Variants in DYDC2 observed in about 807,000 individuals in gnomAD.
DYDC2 encodes DPY30 domain-containing protein 2.
A neutral mutation model predicts 18.7 loss-of-function variants in DYDC2; 19 were observed. The ratio of observed to expected loss-of-function variants is 1.02; its 90% CI spans 0.71 to 1.49. The LOEUF (loss-of-function observed/expected upper bound fraction) is 1.49, where lower values mean the gene tolerates loss of function less well. Among genes scored for constraint, DYDC2 ranks in the 40% most tolerant of loss-of-function variants. The pLI is 0.00. For missense variants in DYDC2, 179 were observed against 205.1 expected, an observed-to-expected ratio of 0.87 and a Z score of 0.78; for synonymous variants, 63 against 67.6, an observed-to-expected ratio of 0.93 and a Z score of 0.34.
chr10:80,357,025 C>T (rs1843420101), intron 1 of DYDC2, among the ~76,000 whole-genome samples, 200 bp downstream of exon 1: 1 of 103,230 alleles, frequency 9.7e-6, no homozygotes, highest in African/African-American at 3.8e-5. Context: ...CGTGCAGGCG[C>T]GGGGCGCCCG....
chr10:80,351,392 TAAATC>T (rs1342841182), intron 1 of DYDC2, among the ~76,000 whole-genome samples: 1 of 151,150 alleles, frequency 6.6e-6, no homozygotes, highest in Non-Finnish European at 1.5e-5. Flanking sequence ...ACTGTGCTCT[TAAATC>T]AAAACAAACA....
intron 4 of DYDC2, 40 bp from the exon 5 acceptor site, chr10:80,366,648 C>G (rs760280388): frequency 1.9e-6 from 3 of 1,559,100 alleles, no homozygotes; most frequent in African/African-American, 1.4e-5. Flanking sequence ...GTGCTTTAGT[C>G]TCTAATAATA....
At chr10:80,346,295 A>ATTC (rs768431546) in intron 1 of DYDC2, among the ~76,000 whole-genome samples, 11 of 152,178 alleles carry the variant, frequency 7.2e-5, no homozygotes, top group Admixed American at 3.9e-4. Flanking sequence ...TACTGAGAAG[A>ATTC]GGAATTACTG....
chr10:80,352,436 G>T (rs1476705446), upstream of DYDC2: 1 of 1,553,608 alleles, frequency 6.4e-7, no homozygotes, highest in South Asian at 1.3e-5. Context: ...TAATTTCCTA[G>T]AAGGAGATTC....
At chr10:80,357,634 G>A (rs752902628) in intron 1 of DYDC2, among the ~76,000 whole-genome samples, 9 of 152,056 alleles carry the variant, frequency 5.9e-5, no homozygotes, top group Non-Finnish European at 1.2e-4. Context: ...GAACCAATTC[G>A]GGTGCCCCAC....
intron 1 of DYDC2, among the ~76,000 whole-genome samples, chr10:80,344,978 G>T (rs1340065039): frequency 2.0e-5 from 3 of 152,196 alleles, no homozygotes; most frequent in African/African-American, 7.2e-5. Context: ...AATCTGCTAA[G>T]ATGTGTCATA....
upstream of DYDC2, among the ~76,000 whole-genome samples, chr10:80,353,334 T>C (rs1589522103): frequency 6.6e-6 from 1 of 151,698 alleles, no homozygotes; most frequent in Non-Finnish European, 1.5e-5. Flanking sequence ...CTAATTTTTT[T>C]TGTATTTTTA....
Position 80,362,504 on chromosome 10 carries a change from G to A in DYDC2, c.61G>A (p.Val21Met), listed in dbSNP as rs1317291182. The A allele has an allele frequency of 6.2e-7, 1 of 1,614,160 alleles. No homozygotes were observed. The highest frequency in any genetic ancestry group is 8.5e-7 in the Non-Finnish European group (1 of 1,180,020). Reference protein sequence around the residue: ...GNCLAQALAEVAKVRPSDPIE... With the variant: ...GNCLAQALAEMAKVRPSDPIE... Reference sequence around the variant, plus strand: ...TTGCCTGGCCCAGGCACTGGCAGAGGTGGCGAAGGTTCGGCCCAGTGACCC... The same window carrying A: ...TTGCCTGGCCCAGGCACTGGCAGAGATGGCGAAGGTTCGGCCCAGTGACCC... Residue 21 changes from valine (V) to methionine (M), a missense_variant, in exon 3 of 5, where the codon GTG (valine) becomes ATG (methionine). Coordinates refer to ENST00000256039, the MANE Select transcript of DYDC2 (RefSeq NM_032372.6).
rs948854540 is a variant in DYDC2 at position 80,357,938 on chromosome 10, A to G, written c.-117A>G. 4 of 985,016 alleles carry G rather than the reference A, an allele frequency of 4.1e-6. No individual in the cohort carries two copies. Among genetic ancestry groups the G allele is most frequent in the Non-Finnish European group, 4.8e-6 (4 of 829,708 alleles). 61.0% of individuals were successfully genotyped at this position (985,016 alleles called of 1,614,324 possible). A position where few individuals can be genotyped will look rare whatever the true frequency, so the allele number is the denominator to read the frequency against. ...TGGGCGGTATACAGTAAACAAAGAC[A>G]ACCCCTATTCTTATCACCTTGCCTA... On this transcript the variant is annotated 5_prime_UTR_variant, in exon 2 of 5. Transcript: ENST00000256039.
chr10:80,357,240 T>A (rs115095305), intron 1 of DYDC2, among the ~76,000 whole-genome samples: 5,679 of 90,824 alleles, frequency 0.063, 378 homozygotes, highest in African/African-American at 0.2. Flanking sequence ...GGGGGCGGGG[T>A]CCAGGGAGGA....
In DYDC2 at chr10:80,366,951, G is replaced by A; in HGVS notation, c.534G>A (p.Ter178=). Residue 178 remains the stop codon, a stop_retained_variant, in exon 5 of 5, where the codon TAG becomes TAA. Transcript: ENST00000256039. ...CTCCTGGCTCCAAATCTCCTTTTTA[G>A]GTTACAGAAGGTAGATGCTTCTGAT... ...EMPPGSKSPF[*] 1 of 1,608,866 alleles carries A rather than the reference G, an allele frequency of 6.2e-7. No homozygotes were observed. Among genetic ancestry groups the A allele is most frequent in the Non-Finnish European group, 8.5e-7 (1 of 1,178,006 alleles).
intron 1 of DYDC2, 37 bp downstream of exon 1, chr10:80,356,862 A>G: frequency 2.0e-6 from 2 of 983,590 alleles, no homozygotes; most frequent in Non-Finnish European, 1.2e-6. Flanking sequence ...CGAAGGGGGA[A>G]CGCGCAGCAG....
At chr10:80,345,884 G>A (rs1418328214) in intron 1 of DYDC2, among the ~76,000 whole-genome samples, 2 of 152,088 alleles carry the variant, frequency 1.3e-5, no homozygotes, top group African/African-American at 2.4e-5. Context: ...TCAAGACAGG[G>A]TCTTGCTCTG....
upstream of DYDC2, among the ~76,000 whole-genome samples, chr10:80,354,802 C>T: frequency 6.6e-6 from 1 of 152,120 alleles, no homozygotes; most frequent in African/African-American, 2.4e-5. Context: ...CCAGAAATGC[C>T]AATGCCTTGA....
intron 2 of DYDC2, among the ~76,000 whole-genome samples, chr10:80,359,000 GATTTACTACAAAGA>G (rs963212675): frequency 2.0e-5 from 3 of 152,192 alleles, no homozygotes; most frequent in African/African-American, 7.2e-5. Context: ...GCAGCAGCAA[GATTTACTACAAAGA>G]GCAAAAGAAC....
At chr10:80,350,564 A>C (rs1443836820) in intron 1 of DYDC2, among the ~76,000 whole-genome samples, 1 of 152,218 alleles carries the variant, frequency 6.6e-6, no homozygotes, top group Non-Finnish European at 1.5e-5. Context: ...CAGAAGGAGT[A>C]GAGTTTTCAA....
chr10:80,350,573 A>G (rs1202251269), intron 1 of DYDC2, among the ~76,000 whole-genome samples: 1 of 152,340 alleles, frequency 6.6e-6, no homozygotes, highest in Non-Finnish European at 1.5e-5. Flanking sequence ...TAGAGTTTTC[A>G]ACAGCCCTAT....
chr10:80,358,058 T>G lies in DYDC2; in HGVS notation c.-10+13T>G. 1 of 985,470 alleles carries G rather than the reference T, an allele frequency of 1.0e-6. No individual in the cohort carries two copies. The highest frequency in any genetic ancestry group is 1.2e-6 in the Non-Finnish European group (1 of 830,024). The allele number at this position is 985,470 out of a possible 1,614,324, so 61.0% of individuals were successfully genotyped here. On this transcript the variant is annotated intron_variant, in intron 2 of 4. Coordinates refer to ENST00000256039, the MANE Select transcript of DYDC2 (RefSeq NM_032372.6). Reference sequence around the variant, plus strand: ...TCTCCCCCCATTGGTGAGTGTACCCTAAGTTGGTCTGAGTGGGCTTTAAAA... The same window carrying G: ...TCTCCCCCCATTGGTGAGTGTACCCGAAGTTGGTCTGAGTGGGCTTTAAAA...
upstream of DYDC2, among the ~76,000 whole-genome samples, chr10:80,353,151 GA>G (rs112021487): frequency 7.9e-3 from 1,153 of 145,630 alleles, 16 homozygotes; most frequent in African/African-American, 0.024. Flanking sequence ...TCCACCTTTT[GA>G]AAAAAAAAAA....
Sources: gnomAD v4.1 joint callset for allele counts (sites outside exome capture counted in the v4.1 genomes callset) on GRCh38, gnomAD v4.1.1 for gene constraint, MANE v1.5 for transcripts, NCBI Gene and HGNC (gene_info 2026-07-23, HGNC 2026-07-21) for gene names.